NUP88: variants seen among roughly 807,000 people sequenced by gnomAD.
NUP88 encodes the protein nuclear pore complex protein Nup88.
Under a neutral mutation model 93.9 loss-of-function variants are expected in NUP88, and 57 were observed. That is an observed-to-expected ratio of 0.61 (90% CI 0.49 to 0.76). The LOEUF (loss-of-function observed/expected upper bound fraction) is 0.76. Among genes scored for constraint, NUP88 ranks in the 30% least tolerant of loss-of-function variants. NUP88 has a pLI of 0.00. For synonymous variants in NUP88, 346 were observed against 336.8 expected, an observed-to-expected ratio of 1.03 and a Z score of -0.30; for missense variants, 911 against 901.0, an observed-to-expected ratio of 1.01 and a Z score of -0.14.
chr17:5,394,889 A>T lies in NUP88; in HGVS notation c.1382+2T>A. The T allele has an allele frequency of 6.2e-7, 1 of 1,605,526 alleles. No individual in the cohort carries two copies. The highest frequency in any genetic ancestry group is 8.5e-7 in the Non-Finnish European group (1 of 1,172,238). ...GATATACAAGGGAGGGAGAGTCCTTACCTGCAGGGCAATGGCTTCGTACAA... is the reference window on the plus strand; with the variant it reads ...GATATACAAGGGAGGGAGAGTCCTTTCCTGCAGGGCAATGGCTTCGTACAA... On this transcript the variant is annotated splice_donor_variant, in intron 9 of 16. Transcript: ENST00000573584. LOFTEE classifies it high-confidence loss of function.
chr17:5,402,669 C>A (rs1913242480), intron 7 of NUP88, among the ~76,000 whole-genome samples: 1 of 152,110 alleles, frequency 6.6e-6, no homozygotes, highest in African/African-American at 2.4e-5. Flanking sequence ...AGATTGAAAT[C>A]CTCCTATGTT....
At chr17:5,414,660 G>A (rs1914032618) in intron 2 of NUP88, among the ~76,000 whole-genome samples, 1 of 152,024 alleles carries the variant, frequency 6.6e-6, no homozygotes, top group Non-Finnish European at 1.5e-5. Context: ...AATGGCTCAC[G>A]CCTATCTTAG....
intron 16 of NUP88, 86 bp from the exon 17 acceptor site, chr17:5,386,355 A>C: frequency 9.7e-7 from 1 of 1,029,606 alleles, no homozygotes; most frequent in Non-Finnish European, 1.5e-6. Flanking sequence ...TAATGTTGAA[A>C]CATCTAAGAA....
intron 5 of NUP88, among the ~76,000 whole-genome samples, chr17:5,408,218 C>T (rs560255957): frequency 6.6e-6 from 1 of 152,198 alleles, no homozygotes; most frequent in Non-Finnish European, 1.5e-5. Context: ...TTCCTTGATA[C>T]TTCATTTAAT....
intron 8 of NUP88, among the ~76,000 whole-genome samples, chr17:5,397,557 T>C (rs1912854878): frequency 6.6e-6 from 1 of 152,188 alleles, no homozygotes; most frequent in Non-Finnish European, 1.5e-5. Flanking sequence ...CATTCTACCC[T>C]AGAGCTTTCA....
chr17:5,408,879 T>C lies in NUP88; in HGVS notation c.711A>G (p.Thr237=). ...ATGGCCCAAAGTCAAATGCAACTGC[T>C]GTCTCTCCTAGAGATGCGGTATACG... ...GRAYTASLGE[T]AVAFDFGPLA... Residue 237 remains threonine, a synonymous_variant, in exon 5 of 17, where the codon ACA becomes ACG. Transcript: ENST00000573584. The C allele has an allele frequency of 6.2e-7, 1 of 1,613,242 alleles. No individual in the cohort carries two copies. Among genetic ancestry groups the C allele is most frequent in the Non-Finnish European group, 8.5e-7 (1 of 1,179,700 alleles).
intron 2 of NUP88, among the ~76,000 whole-genome samples, chr17:5,415,537 TAAGTTGCGGAGCTA>T: frequency 6.6e-6 from 1 of 152,334 alleles, no homozygotes; most frequent in South Asian, 2.1e-4. Context: ...ACTCAACTTA[TAAGTTGCGGAGCTA>T]AAAGCAGTTT....
chr17:5,387,228 T>G, intron 14 of NUP88, 118 bp from the exon 15 acceptor site: 1 of 1,316,894 alleles, frequency 7.6e-7, no homozygotes, highest in East Asian at 2.3e-5. Flanking sequence ...TAGGAAGGGT[T>G]AGGGGAGAGC....
chr17:5,387,669 C>G lies in NUP88; in HGVS notation c.1771G>C (p.Val591Leu). 1.2e-6 allele frequency: 2 copies of G among 1,612,112 alleles called. No homozygotes were observed. Among genetic ancestry groups the G allele is most frequent in the South Asian group, 2.2e-5 (2 of 90,976 alleles). Residue 591 changes from valine (V) to leucine (L), a missense_variant and splice_region_variant, in exon 13 of 17, where the codon GTC becomes CTC. Transcript: ENST00000573584. ...TTTTTTTGGTCACATAATAATTTGA[C>G]CCTTTAAAAACAAAAAGAAATAGAG... Reference protein sequence around the residue: ...DLAKEEIQRRVKLLCDQKKKQ... With the variant: ...DLAKEEIQRRLKLLCDQKKKQ...
intron 1 of NUP88, 27 bp downstream of exon 1, chr17:5,419,327 T>C: frequency 6.6e-7 from 1 of 1,526,552 alleles, no homozygotes; most frequent in Non-Finnish European, 8.8e-7. Flanking sequence ...CCGGTGAGGG[T>C]CACTTCCAAG....
At position 5,388,819 on chromosome 17, in the gene NUP88, G is replaced by A; in HGVS notation, c.1626C>T (p.Ala542=). 1.9e-6 allele frequency: 3 copies of A among 1,613,610 alleles called. No individual in the cohort carries two copies. The highest frequency in any genetic ancestry group is 2.5e-6 in the Non-Finnish European group (3 of 1,179,768). The part of the protein sequence containing the change: ...HIRSILQRSV[A]NPAFLKASEK... ...TTGCATACTTCAAAAATGCTGGATT[G>A]GCAACACTACGTTGCAAAATGCTTC... is the stretch of plus-strand genomic sequence containing the variant. The change falls in exon 11 of 17, where the codon GCC becomes GCT. Residue 542 remains alanine (A), a synonymous_variant. Coordinates refer to ENST00000573584, the MANE Select transcript of NUP88 (RefSeq NM_002532.6).
intron 4 of NUP88, among the ~76,000 whole-genome samples, chr17:5,409,987 T>C (rs867646480): frequency 2.0e-5 from 3 of 152,202 alleles, no homozygotes; most frequent in South Asian, 2.1e-4. Flanking sequence ...GAGGGAGGAA[T>C]GAAGCTGGAA....
intron 1 of NUP88, 130 bp downstream of exon 1, chr17:5,419,224 G>T: frequency 1.9e-6 from 2 of 1,078,240 alleles, no homozygotes; most frequent in Non-Finnish European, 2.5e-6. Context: ...CCGCGACCGC[G>T]TATGGCAGCG....
At chr17:5,408,669 T>G (rs1048762420) in intron 5 of NUP88, 64 bp downstream of exon 5, 1 of 1,256,400 alleles carries the variant, frequency 8.0e-7, no homozygotes. Context: ...AAGTCCAGCC[T>G]CAATGATATC....
At chr17:5,388,631 G>A (rs776181348) in intron 11 of NUP88, 171 bp downstream of exon 11, 2 of 567,284 alleles carry the variant, frequency 3.5e-6, no homozygotes, top group South Asian at 3.0e-5. Flanking sequence ...TCATTCTCAG[G>A]TGCCACTTCC....
intron 5 of NUP88, among the ~76,000 whole-genome samples, chr17:5,406,866 G>T (rs1913527310): frequency 6.6e-6 from 1 of 152,130 alleles, no homozygotes; most frequent in Admixed American, 6.5e-5. Context: ...CCTGGGCTGC[G>T]CGCAGCCCGT....
Position 5,419,384 on chromosome 17 carries a change from G to A in NUP88, c.267C>T (p.Gly89=), listed in dbSNP as rs748941822. ...ACTGGGACAGGGCGGGCTCTTCGCC[G>A]CCGCCGCTGGGGCCCCGAAGGCGAA... The part of the protein sequence containing the change: ...LVVRLRGPSG[G]GEEPALSQYQ... Residue 89 remains glycine, a synonymous_variant, in exon 1 of 17, where the codon GGC becomes GGT. Transcript: ENST00000573584. The A allele has an allele frequency of 1.2e-6, 2 of 1,601,834 alleles. No individual in the cohort carries two copies. Among genetic ancestry groups the A allele is most frequent in the Non-Finnish European group, 8.5e-7 (1 of 1,175,054 alleles).
chr17:5,408,588 C>T (rs9910917), intron 5 of NUP88, 145 bp downstream of exon 5: 5 of 593,852 alleles, frequency 8.4e-6, no homozygotes, highest in African/African-American at 7.7e-5. Context: ...TGTACTAACT[C>T]TTTCTCAAAA....
chr17:5,417,977 T>TA (rs1239615063), intron 1 of NUP88: 3 of 151,674 alleles, frequency 2.0e-5, no homozygotes, highest in Non-Finnish European at 4.4e-5. Context: ...CCGTCTCTAC[T>TA]AAAAACACAA....
Sources: gnomAD v4.1 joint callset for allele counts (sites outside exome capture counted in the v4.1 genomes callset) on GRCh38, gnomAD v4.1.1 for gene constraint, MANE v1.5 for transcripts, NCBI Gene and HGNC (gene_info 2026-07-23, HGNC 2026-07-21) for gene names.